CACNA2D1: variants seen among roughly 807,000 people sequenced by gnomAD.
CACNA2D1 encodes voltage-dependent calcium channel subunit alpha-2/delta-1.
In CACNA2D1, 53 loss-of-function variants were observed where a neutral mutation model predicts 171.5. That is an observed-to-expected ratio of 0.31 (90% CI 0.25 to 0.39). The LOEUF (loss-of-function observed/expected upper bound fraction) is 0.39, where lower values mean the gene tolerates loss of function less well. CACNA2D1 is among the 10% of genes least tolerant of loss of function. CACNA2D1 has a pLI of 1.00. For missense variants in CACNA2D1, 903 were observed against 1,299.8 expected, an observed-to-expected ratio of 0.69 and a Z score of 4.69; for synonymous variants, 442 against 443.1, an observed-to-expected ratio of 1.00 and a Z score of 0.03.
intron 3 of CACNA2D1, among the ~76,000 whole-genome samples, chr7:82,274,145 C>T (rs1216158519): frequency 6.6e-6 from 1 of 152,100 alleles, no homozygotes; most frequent in African/African-American, 2.4e-5. Flanking sequence ...AGCCTGCGCA[C>T]TAACCCCTCC....
chr7:82,262,691 T>A (rs1159764849), intron 3 of CACNA2D1, among the ~76,000 whole-genome samples: 1 of 152,022 alleles, frequency 6.6e-6, no homozygotes, highest in Non-Finnish European at 1.5e-5. Context: ...CCTTCACCCA[T>A]CCTCCTGTCT....
intron 14 of CACNA2D1, among the ~76,000 whole-genome samples, chr7:82,012,797 T>C (rs867291162): frequency 6.6e-6 from 1 of 152,274 alleles, no homozygotes; most frequent in African/African-American, 2.4e-5. Flanking sequence ...ACAAATGCCA[T>C]GTTATTTATG....
intron 4 of CACNA2D1, among the ~76,000 whole-genome samples, chr7:82,151,304 TCTTTA>T (rs1793832755): frequency 2.0e-5 from 3 of 152,254 alleles, no homozygotes; most frequent in Admixed American, 6.5e-5. Flanking sequence ...TCTTTTCTTT[TCTTTA>T]GAGTAGTAAA....
At chr7:82,005,692 A>AC in intron 17 of CACNA2D1, 73 bp downstream of exon 17, 1 of 1,076,360 alleles carries the variant, frequency 9.3e-7, no homozygotes, top group South Asian at 1.3e-5. Context: ...TTTGAGAATT[A>AC]CCTAAGTGCC....
intron 1 of CACNA2D1, among the ~76,000 whole-genome samples, chr7:82,440,960 A>T (rs1830457913): frequency 6.6e-6 from 1 of 151,656 alleles, no homozygotes; most frequent in African/African-American, 2.4e-5. Flanking sequence ...GTGAAAAATG[A>T]AACTGGCAAA....
chr7:82,291,182 A>C (rs1430806675), intron 3 of CACNA2D1, among the ~76,000 whole-genome samples: 2 of 129,964 alleles, frequency 1.5e-5, no homozygotes, highest in African/African-American at 6.0e-5. Context: ...TTATAATTCT[A>C]TATCGATATA....
chr7:82,308,102 A>C (rs2129431067), intron 3 of CACNA2D1, among the ~76,000 whole-genome samples: 1 of 152,300 alleles, frequency 6.6e-6, no homozygotes, highest in South Asian at 2.1e-4. Flanking sequence ...TGCTTAAAGA[A>C]AAAACTAAAA....
chr7:82,241,565 G>A (rs1169676074), intron 3 of CACNA2D1, among the ~76,000 whole-genome samples: 2 of 152,110 alleles, frequency 1.3e-5, no homozygotes, highest in African/African-American at 4.8e-5. Context: ...GGAGTCCCAA[G>A]AGATCTACTT....
At chr7:82,300,544 G>C (rs1207092703) in intron 3 of CACNA2D1, among the ~76,000 whole-genome samples, 1 of 152,036 alleles carries the variant, frequency 6.6e-6, no homozygotes, top group Non-Finnish European at 1.5e-5. Flanking sequence ...TGCTATATTT[G>C]CTACCGTAAG....
chr7:82,201,072 C>T (rs182582740), intron 3 of CACNA2D1, among the ~76,000 whole-genome samples: 1 of 152,178 alleles, frequency 6.6e-6, no homozygotes, highest in East Asian at 1.9e-4. Flanking sequence ...ATTTCTAGTA[C>T]CTCTTGTTCA....
intron 4 of CACNA2D1, among the ~76,000 whole-genome samples, chr7:82,162,490 A>C (rs1795048912): frequency 6.6e-6 from 1 of 152,036 alleles, no homozygotes; most frequent in South Asian, 2.1e-4. Flanking sequence ...CATTTTGCAC[A>C]GCAGGGGAGA....
At chr7:82,265,398 A>G (rs1332737949) in intron 3 of CACNA2D1, among the ~76,000 whole-genome samples, 1 of 139,700 alleles carries the variant, frequency 7.2e-6, no homozygotes, top group South Asian at 2.3e-4. Context: ...ATCTATGCAT[A>G]TTAACAATTT....
chr7:82,405,775 T>A (rs1014281621), intron 1 of CACNA2D1, among the ~76,000 whole-genome samples: 1 of 152,144 alleles, frequency 6.6e-6, no homozygotes, highest in African/African-American at 2.4e-5. Flanking sequence ...CTTTCCACTT[T>A]GGGTTTATAG....
chr7:82,041,801 T>C (rs990299280), intron 10 of CACNA2D1, among the ~76,000 whole-genome samples: 7 of 152,160 alleles, frequency 4.6e-5, no homozygotes, highest in Non-Finnish European at 5.9e-5. Flanking sequence ...TAAGTAAAAA[T>C]ACAGTTTGCC....
intron 3 of CACNA2D1, among the ~76,000 whole-genome samples, chr7:82,206,974 G>A (rs1219748900): frequency 6.6e-6 from 1 of 152,098 alleles, no homozygotes; most frequent in Non-Finnish European, 1.5e-5. Context: ...TTATTGAATG[G>A]AATTTAAACA....
At chr7:82,172,669 C>G (rs552455676) in intron 3 of CACNA2D1, among the ~76,000 whole-genome samples, 5 of 135,516 alleles carry the variant, frequency 3.7e-5, no homozygotes, top group African/African-American at 1.5e-4. Flanking sequence ...AACTCCTAGC[C>G]TCAAATTATC....
chr7:82,164,073 A>G (rs1237743756), intron 4 of CACNA2D1, among the ~76,000 whole-genome samples: 1 of 151,922 alleles, frequency 6.6e-6, no homozygotes, highest in Non-Finnish European at 1.5e-5. Flanking sequence ...CAACTCCAAG[A>G]CTGAGGCGCC....
chr7:81,969,633 C>T (rs556830386), intron 28 of CACNA2D1, among the ~76,000 whole-genome samples: 345 of 151,164 alleles, frequency 2.3e-3, no homozygotes, highest in African/African-American at 7.3e-3. Flanking sequence ...GTTTCTATTT[C>T]TTATGCATGC....
At chr7:81,992,674 T>C (rs1304670327) in intron 20 of CACNA2D1, among the ~76,000 whole-genome samples, 2 of 152,208 alleles carry the variant, frequency 1.3e-5, no homozygotes, top group African/African-American at 2.4e-5. Flanking sequence ...GAAATTATAA[T>C]CTTGTTCAGT....
Sources: allele counts gnomAD v4.1 joint callset (sites outside exome capture counted in the v4.1 genomes callset), GRCh38; gene constraint gnomAD v4.1.1; transcripts MANE v1.5; gene names NCBI Gene and HGNC (gene_info 2026-07-23, HGNC 2026-07-21).